Variants in DZIP1L observed in about 807,000 individuals in gnomAD.
DZIP1L encodes cilium assembly protein DZIP1L.
A neutral mutation model predicts 88.7 loss-of-function variants in DZIP1L; 90 were observed. The ratio of observed to expected loss-of-function variants is 1.02; its 90% CI spans 0.86 to 1.21. The LOEUF (loss-of-function observed/expected upper bound fraction) is 1.21, where lower values mean the gene tolerates loss of function less well. Ranked by LOEUF, DZIP1L falls within the 50% of genes most tolerant of loss-of-function variation. The pLI is 0.00. For synonymous variants in DZIP1L, 363 were observed against 372.1 expected (o/e 0.98, Z 0.28); for missense variants, 932 against 955.8 (o/e 0.98, Z 0.33).
intron 13 of DZIP1L, among the ~76,000 whole-genome samples, chr3:138,067,906 C>T (rs1942984606): frequency 6.6e-6 from 1 of 152,184 alleles, no homozygotes; most frequent in African/African-American, 2.4e-5. Context: ...TCTGAGGATC[C>T]AGCCCCTCTG....
At chr3:138,087,123 C>G in intron 6 of DZIP1L, 100 bp from the exon 7 acceptor site, 3 of 1,036,310 alleles carry the variant, frequency 2.9e-6, no homozygotes, top group Non-Finnish European at 4.4e-6. Flanking sequence ...GGTAGGCAGA[C>G]AGAGTAGTGG....
At chr3:138,084,335 G>A in intron 7 of DZIP1L, 82 bp from the exon 8 acceptor site, 1 of 1,523,032 alleles carries the variant, frequency 6.6e-7, no homozygotes, top group Admixed American at 2.1e-5. Flanking sequence ...AGCACCTGTA[G>A]GCAAGTGCCA....
At chr3:138,102,395 G>A in intron 2 of DZIP1L, 4 of 1,292,448 alleles carry the variant, frequency 3.1e-6, no homozygotes, top group Non-Finnish European at 4.5e-6. Flanking sequence ...TGTTCTCGAA[G>A]TCCTCCACCC....
chr3:138,101,858 C>G lies in DZIP1L; in HGVS notation c.501+1613G>C, dbSNP rs368397172. On this transcript the variant is annotated intron_variant, in intron 2 of 15. Transcript: ENST00000327532. The stretch of plus-strand genomic sequence containing the variant: ...ATGTCCTGCTTGGCCCGCTGCAGGG[C>G]GCCCTCCAGCTCGGACAGCTTGGCG... The G allele has an allele frequency of 3.4e-4, 467 of 1,360,174 alleles. 7 individuals are homozygous for G. In the South Asian group the frequency reaches 5.1e-3, roughly 15 times the overall value. The allele number at this position is 1,360,174 out of a possible 1,614,324, so 84.3% of individuals were successfully genotyped here. A position where few individuals can be genotyped will look rare whatever the true frequency, so the allele number is the denominator to read the frequency against.
chr3:138,062,798 G>A lies in DZIP1L; in HGVS notation c.*18C>T, dbSNP rs756771119. 4.3e-6 allele frequency: 7 copies of A among 1,613,188 alleles called. No homozygotes were observed. The highest frequency in any genetic ancestry group is 5.9e-6 in the Non-Finnish European group (7 of 1,179,894). On this transcript the variant is annotated 3_prime_UTR_variant, in exon 16 of 16. Coordinates refer to ENST00000327532, the MANE Select transcript of DZIP1L (RefSeq NM_173543.3). Reference sequence around the variant, plus strand: ...CCCAGCCAGGCTAACCCTCTAGCCAGCTAGCTTCTGGGGTGAATCACCAGG... The same window carrying A: ...CCCAGCCAGGCTAACCCTCTAGCCAACTAGCTTCTGGGGTGAATCACCAGG...
chr3:138,080,110 C>T (rs1321186492), intron 10 of DZIP1L, among the ~76,000 whole-genome samples: 1 of 152,104 alleles, frequency 6.6e-6, no homozygotes, highest in Non-Finnish European at 1.5e-5. Flanking sequence ...ACAAGGGAGC[C>T]GAGGTGGATT....
intron 5 of DZIP1L, among the ~76,000 whole-genome samples, chr3:138,089,451 G>T (rs992339653): frequency 1.3e-5 from 2 of 152,124 alleles, no homozygotes; most frequent in Admixed American, 6.5e-5. Context: ...TTTACCCCAG[G>T]TCTAATCTAA....
chr3:138,114,951 G>C (rs1375857911), intron 1 of DZIP1L, among the ~76,000 whole-genome samples: 1 of 152,178 alleles, frequency 6.6e-6, no homozygotes, highest in African/African-American at 2.4e-5. Context: ...ACGGCACTCA[G>C]ATCATCAAGC....
Position 138,071,749 on chromosome 3 carries a change from A to G in DZIP1L, c.1509T>C (p.Ser503=). ...VQREQKARKF[S]EFLSLRGKLV... ...GCTTTCCCCTCAGACTCAGAAATTC[A>G]GAAAACTTCCGGGCCTTCTGCTCCC... is the stretch of plus-strand genomic sequence containing the variant. Residue 503 remains serine, a synonymous_variant, in exon 12 of 16, where the codon TCT becomes TCC. Coordinates refer to ENST00000327532, the MANE Select transcript of DZIP1L (RefSeq NM_173543.3). 2 of 1,614,216 alleles carry G rather than the reference A, an allele frequency of 1.2e-6. No homozygotes were observed. The highest frequency in any genetic ancestry group is 1.7e-6 in the Non-Finnish European group (2 of 1,180,042).
chr3:138,097,961 A>G, intron 2 of DZIP1L, 114 bp from the exon 3 acceptor site: 2 of 843,986 alleles, frequency 2.4e-6, no homozygotes, highest in Non-Finnish European at 3.8e-6. Context: ...CTTCAGAAAT[A>G]AAGAATTTAA....
intron 7 of DZIP1L, among the ~76,000 whole-genome samples, chr3:138,086,146 T>C (rs1444638189): frequency 6.6e-6 from 1 of 151,626 alleles, no homozygotes; most frequent in East Asian, 1.9e-4. Flanking sequence ...TTAGGAGATA[T>C]ACCTAATGCT....
At chr3:138,069,036 G>C in intron 12 of DZIP1L, 1 of 1,251,898 alleles carries the variant, frequency 8.0e-7, no homozygotes, top group Non-Finnish European at 1.0e-6. Context: ...GAAAATGTTT[G>C]AAATACAGTT....
chr3:138,084,027 G>C, intron 8 of DZIP1L, 86 bp downstream of exon 8: 2 of 1,547,970 alleles, frequency 1.3e-6, no homozygotes, highest in Non-Finnish European at 8.7e-7. Context: ...GACTAGCACT[G>C]ATGAGCCCAA....
intron 1 of DZIP1L, among the ~76,000 whole-genome samples, chr3:138,112,901 C>T (rs1180856059): frequency 6.6e-6 from 1 of 151,864 alleles, no homozygotes; most frequent in African/African-American, 2.4e-5. Context: ...GAGCCGAGAT[C>T]GCACCATTGC....
chr3:138,097,295 T>A (rs925069159), intron 3 of DZIP1L, among the ~76,000 whole-genome samples: 1 of 152,082 alleles, frequency 6.6e-6, no homozygotes, highest in African/African-American at 2.4e-5. Flanking sequence ...AAAATTAAAG[T>A]GATTAGATCA....
At chr3:138,068,003 C>G (rs1167346321) in intron 13 of DZIP1L, 148 bp downstream of exon 13, 8 of 747,998 alleles carry the variant, frequency 1.1e-5, no homozygotes, top group Non-Finnish European at 1.5e-5. Flanking sequence ...GTCCAGAGCT[C>G]AGACTGGACC....
At chr3:138,110,990 A>G (rs2042609924) in intron 1 of DZIP1L, among the ~76,000 whole-genome samples, 1 of 152,190 alleles carries the variant, frequency 6.6e-6, no homozygotes, top group Non-Finnish European at 1.5e-5. Context: ...GGCAAGTGCC[A>G]AGACAGGAGC....
intron 8 of DZIP1L, 24 bp from the exon 9 acceptor site, chr3:138,081,788 G>T: frequency 6.2e-7 from 1 of 1,612,132 alleles, no homozygotes; most frequent in Non-Finnish European, 8.5e-7. Context: ...GAATAGAGCG[G>T]GTTACAACCA....
At chr3:138,091,686 A>AGGAC (rs1944239712) in intron 5 of DZIP1L, among the ~76,000 whole-genome samples, 1 of 38,834 alleles carries the variant, frequency 2.6e-5, no homozygotes, top group Admixed American at 3.6e-4. Context: ...GGAGGGAGGA[A>AGGAC]GGAAGGAAGG....
Sources: gnomAD v4.1 joint callset for allele counts (sites outside exome capture counted in the v4.1 genomes callset) on GRCh38, gnomAD v4.1.1 for gene constraint, MANE v1.5 for transcripts, NCBI Gene and HGNC (gene_info 2026-07-23, HGNC 2026-07-21) for gene names.